RAD54L2: variants seen among roughly 807,000 people sequenced by gnomAD.
RAD54L2 encodes helicase ARIP4.
RAD54L2 carries 27 observed loss-of-function variants against 138.4 expected under a neutral mutation model. The observed-to-expected ratio is 0.20, with a 90% CI of 0.14 to 0.27. RAD54L2 has a LOEUF of 0.27. Among genes scored for constraint, RAD54L2 ranks in the 10% least tolerant of loss-of-function variants. RAD54L2 has a pLI of 1.00. For synonymous variants in RAD54L2, 644 were observed against 723.2 expected (o/e 0.89, Z 1.76); for missense variants, 1,396 against 1,890.2 (o/e 0.74, Z 4.85).
intron 15 of RAD54L2, among the ~76,000 whole-genome samples, chr3:51,642,414 A>ATAG (rs767124411): frequency 2.6e-5 from 4 of 151,356 alleles, no homozygotes; most frequent in Non-Finnish European, 5.9e-5. Context: ...GTAAACAGAT[A>ATAG]TACAGTTTAT....
At chr3:51,567,241 G>A (rs1699237779) in intron 2 of RAD54L2, among the ~76,000 whole-genome samples, 1 of 152,132 alleles carries the variant, frequency 6.6e-6, no homozygotes, top group Admixed American at 6.6e-5. Context: ...AAGCATAGCT[G>A]TGAATCATTT....
At chr3:51,608,421 G>A (rs1577421430) in intron 3 of RAD54L2, among the ~76,000 whole-genome samples, 1 of 152,240 alleles carries the variant, frequency 6.6e-6, no homozygotes, top group Non-Finnish European at 1.5e-5. Context: ...TTCCTAGACG[G>A]GGTGGCGGCC....
intron 2 of RAD54L2, among the ~76,000 whole-genome samples, chr3:51,545,873 C>CATAGA (rs1315550762): frequency 6.7e-6 from 1 of 150,332 alleles, no homozygotes; most frequent in East Asian, 1.9e-4. Flanking sequence ...GATTAGACTG[C>CATAGA]ATAGAAATCC....
At chr3:51,584,560 T>A (rs1256476961) in intron 2 of RAD54L2, among the ~76,000 whole-genome samples, 2 of 151,130 alleles carry the variant, frequency 1.3e-5, no homozygotes, top group Non-Finnish European at 2.9e-5. Flanking sequence ...CCATAGTGGA[T>A]CTCTCAGCAG....
intron 2 of RAD54L2, among the ~76,000 whole-genome samples, chr3:51,573,290 T>G (rs963953747): frequency 1.3e-5 from 2 of 152,072 alleles, no homozygotes; most frequent in Non-Finnish European, 2.9e-5. Flanking sequence ...CCTGCTGTGC[T>G]CAGAGGAAGA....
intron 3 of RAD54L2, among the ~76,000 whole-genome samples, chr3:51,616,191 T>C (rs1032319657): frequency 2.0e-5 from 3 of 152,150 alleles, no homozygotes; most frequent in Non-Finnish European, 4.4e-5. Context: ...TGTATAGTCA[T>C]CCTACTGATC....
At chr3:51,568,927 GTTTA>G (rs1275748019) in intron 2 of RAD54L2, among the ~76,000 whole-genome samples, 1 of 152,188 alleles carries the variant, frequency 6.6e-6, no homozygotes, top group Non-Finnish European at 1.5e-5. Context: ...TAAGTATGGA[GTTTA>G]TTTGAGTGCA....
chr3:51,663,616 A>AT lies in RAD54L2; in HGVS notation c.*196_*197insT, dbSNP rs916532151. On this transcript the variant is annotated 3_prime_UTR_variant, in exon 23 of 23. Coordinates refer to ENST00000684192, the MANE Select transcript of RAD54L2 (RefSeq NM_015106.4). ...AGGCAAAAAAAAAAAAAAAAAAAAA[A>AT]AAGTCCAACACAGCAGCAATAGCGG... The AT allele has an allele frequency of 5.3e-6, 3 of 560,902 alleles. No individual in the cohort carries two copies. The African/African-American group carries it at 5.8e-5, about 11-fold the overall frequency. The allele number at this position is 560,902 out of a possible 1,614,324, so 34.7% of individuals were successfully genotyped here. A position where few individuals can be genotyped will look rare whatever the true frequency, so the allele number is the denominator to read the frequency against.
chr3:51,592,183 C>T (rs1185148978), intron 3 of RAD54L2, among the ~76,000 whole-genome samples: 2 of 148,988 alleles, frequency 1.3e-5, no homozygotes, highest in African/African-American at 2.5e-5. Context: ...CCTGCCTCAG[C>T]CTCCTGAGTA....
intron 3 of RAD54L2, among the ~76,000 whole-genome samples, chr3:51,590,776 T>C (rs1699822837): frequency 1.3e-5 from 2 of 152,212 alleles, no homozygotes; most frequent in African/African-American, 4.8e-5. Flanking sequence ...GAAGAACCTT[T>C]AGCCTTTAGC....
At chr3:51,639,150 G>A in intron 12 of RAD54L2, 1 of 472,606 alleles carries the variant, frequency 2.1e-6, no homozygotes, top group East Asian at 3.6e-5. Flanking sequence ...AAAAAGGCTT[G>A]TGACAGCTTT....
At chr3:51,634,069 C>T in intron 9 of RAD54L2, 34 bp downstream of exon 9, 2 of 1,601,898 alleles carry the variant, frequency 1.2e-6, no homozygotes, top group Non-Finnish European at 1.7e-6. Flanking sequence ...CTGCCCCTTT[C>T]CTTTTAGACT....
intron 2 of RAD54L2, among the ~76,000 whole-genome samples, chr3:51,584,612 G>A (rs568586572): frequency 4.7e-5 from 7 of 147,816 alleles, no homozygotes; most frequent in Admixed American, 6.8e-5. Context: ...ACTATACTCC[G>A]TATAGTACTC....
Position 51,664,424 on chromosome 3 carries a change from C to G in RAD54L2, c.*1004C>G, listed in dbSNP as rs1417168285. On this transcript the variant is annotated 3_prime_UTR_variant, in exon 23 of 23. Coordinates refer to ENST00000684192, the MANE Select transcript of RAD54L2 (RefSeq NM_015106.4). Reference sequence around the variant, plus strand: ...ATTTTTCACCAGGGTAGAACTGAGCCCCCAGCTGCCTATCCTGGTAGTCTT... The same window carrying G: ...ATTTTTCACCAGGGTAGAACTGAGCGCCCAGCTGCCTATCCTGGTAGTCTT... 1 of 152,174 alleles carries G rather than the reference C, an allele frequency of 6.6e-6. No homozygotes were observed. The highest frequency in any genetic ancestry group is 1.5e-5 in the Non-Finnish European group (1 of 68,042). 9.4% of individuals were successfully genotyped at this position (152,174 alleles called of 1,614,324 possible).
Position 51,662,652 on chromosome 3 carries a change from C to G in RAD54L2, c.3636C>G (p.Ser1212Arg), listed in dbSNP as rs184707777. The stretch of plus-strand genomic sequence containing the variant: ...GCCCCCCGGCCCAACTTATGGACAG[C>G]AGTGCTGTTCCCGGGACAGCTCTCG... ...LPGPPAQLMD[S>R]SAVPGTALGT... Residue 1212 changes from serine (S) to arginine (R), a missense_variant, in exon 23 of 23, where the codon AGC (serine) becomes AGG (arginine). Ser to Arg is a moderately radical substitution (Grantham distance 110). This residue lies in a region of RAD54L2 where 634 missense variants were observed against 711.2 expected (regional missense o/e 0.89). Transcript: ENST00000684192. This position sits in a 1 kb window ranked among gnomAD's most constrained non-coding sequence, Gnocchi z 4.6. The G allele has an allele frequency of 8.7e-6, 14 of 1,613,228 alleles. No individual in the cohort carries two copies. In the Admixed American group the frequency reaches 1.3e-4, roughly 15 times the overall value.
chr3:51,618,241 T>G (rs148603272), intron 3 of RAD54L2, among the ~76,000 whole-genome samples: 2,027 of 151,844 alleles, frequency 0.013, 23 homozygotes, highest in South Asian at 0.031. Context: ...CCTCCCGAAG[T>G]GCTGGGATTA....
chr3:51,547,802 G>A (rs1430271773), intron 2 of RAD54L2, among the ~76,000 whole-genome samples: 1 of 152,022 alleles, frequency 6.6e-6, no homozygotes, highest in Non-Finnish European at 1.5e-5. Context: ...GGCTAGTTTC[G>A]AACTCCTGAG....
At chr3:51,599,598 G>C (rs967152189) in intron 3 of RAD54L2, among the ~76,000 whole-genome samples, 2 of 151,796 alleles carry the variant, frequency 1.3e-5, no homozygotes, top group East Asian at 1.9e-4. Flanking sequence ...TGTCACCCAG[G>C]CTGGAGTGCA....
chr3:51,592,758 A>G (rs961072893), intron 3 of RAD54L2, among the ~76,000 whole-genome samples: 2 of 152,052 alleles, frequency 1.3e-5, no homozygotes, highest in Non-Finnish European at 1.5e-5. Flanking sequence ...TATTTTTAGT[A>G]GAGACAGGGT....
Sources: gnomAD v4.1 joint callset for allele counts (sites outside exome capture counted in the v4.1 genomes callset) on GRCh38, gnomAD v4.1.1 for gene constraint, gnomAD v4.1.1 regional missense constraint, Gnocchi (gnomAD v3.1) non-coding constraint, MANE v1.5 for transcripts, NCBI Gene and HGNC (gene_info 2026-07-23, HGNC 2026-07-21) for gene names.